IRF2: variants seen among roughly 807,000 people sequenced by gnomAD.
The protein encoded by IRF2 is interferon regulatory factor 2.
IRF2 carries 15 observed loss-of-function variants against 40.6 expected under a neutral mutation model. That is an observed-to-expected ratio of 0.37 (90% CI 0.25 to 0.57). The LOEUF (loss-of-function observed/expected upper bound fraction) is 0.57. Among genes scored for constraint, IRF2 ranks in the 20% least tolerant of loss-of-function variants. The probability of loss-of-function intolerance (pLI) is 0.77; values close to 1 mark genes in which losing one functional copy is unlikely to be tolerated. For synonymous variants in IRF2, 151 were observed against 165.5 expected, an observed-to-expected ratio of 0.91 and a Z score of 0.67; for missense variants, 317 against 455.7, an observed-to-expected ratio of 0.70 and a Z score of 2.77.
At chr4:184,425,890 G>T (rs755611562) in intron 2 of IRF2, among the ~76,000 whole-genome samples, 23 of 152,172 alleles carry the variant, frequency 1.5e-4, no homozygotes, top group Non-Finnish European at 2.8e-4. Context: ...TACACAAACT[G>T]GGTGGCTCAC....
chr4:184,461,840 T>C (rs1457556516), intron 1 of IRF2, among the ~76,000 whole-genome samples: 1 of 152,168 alleles, frequency 6.6e-6, no homozygotes, highest in Non-Finnish European at 1.5e-5. Context: ...ATAGTCAGGA[T>C]GACCACACCC....
At chr4:184,432,799 A>T (rs1417201097) in intron 1 of IRF2, among the ~76,000 whole-genome samples, 1 of 152,240 alleles carries the variant, frequency 6.6e-6, no homozygotes, top group Non-Finnish European at 1.5e-5. Flanking sequence ...TGCTGCAGCT[A>T]ACCATGCCTG....
intron 5 of IRF2, among the ~76,000 whole-genome samples, chr4:184,414,613 G>A (rs569483993): frequency 2.6e-5 from 4 of 152,372 alleles, no homozygotes; most frequent in South Asian, 2.1e-4. Flanking sequence ...CTCACAAAGC[G>A]AAATGTCAGA....
intron 5 of IRF2, among the ~76,000 whole-genome samples, chr4:184,409,355 G>A (rs1736986567): frequency 6.6e-6 from 1 of 152,006 alleles, no homozygotes; most frequent in Admixed American, 6.6e-5. Context: ...CGGAAGGAGG[G>A]GAAATAACCT....
chr4:184,390,622 T>A, intron 8 of IRF2, 81 bp downstream of exon 8: 2 of 1,353,906 alleles, frequency 1.5e-6, no homozygotes, highest in Non-Finnish European at 1.1e-6. Context: ...GAAAGGTGCA[T>A]AACCAGCAGC....
intron 1 of IRF2, among the ~76,000 whole-genome samples, chr4:184,449,475 T>C (rs1336239697): frequency 2.0e-5 from 3 of 152,174 alleles, no homozygotes; most frequent in Non-Finnish European, 4.4e-5. Flanking sequence ...GGGCCCAGAG[T>C]ACGGCAGAGG....
intron 2 of IRF2, among the ~76,000 whole-genome samples, chr4:184,425,618 A>G (rs759844765): frequency 7.9e-5 from 12 of 152,364 alleles, no homozygotes; most frequent in Admixed American, 4.6e-4. Flanking sequence ...GCCCTGTGAG[A>G]TGACACAGAG....
intron 6 of IRF2, among the ~76,000 whole-genome samples, chr4:184,405,001 G>T (rs1736800223): frequency 6.6e-6 from 1 of 152,326 alleles, no homozygotes; most frequent in Admixed American, 6.5e-5. Flanking sequence ...CCAGCACTTT[G>T]GGAGACCGAG....
At chr4:184,402,382 G>A (rs1438209176) in intron 6 of IRF2, among the ~76,000 whole-genome samples, 1 of 152,138 alleles carries the variant, frequency 6.6e-6, no homozygotes. Context: ...TCCCCTGGGT[G>A]CCTCTCACTC....
intron 1 of IRF2, among the ~76,000 whole-genome samples, chr4:184,450,923 C>T (rs1042455208): frequency 2.6e-5 from 4 of 152,192 alleles, no homozygotes; most frequent in Admixed American, 1.3e-4. Flanking sequence ...GCAACTGCTC[C>T]ATTTCACATG....
intron 6 of IRF2, among the ~76,000 whole-genome samples, chr4:184,401,135 A>G (rs557830141): frequency 5.1e-4 from 77 of 152,242 alleles, no homozygotes; most frequent in Non-Finnish European, 8.1e-4. Flanking sequence ...TCGGCAAAGT[A>G]TTCAGGTTAG....
Position 184,450,233 on chromosome 4 carries a change from A to G in IRF2, c.-6-21163T>C, listed in dbSNP as rs530241099. Reference sequence around the variant, plus strand: ...AAAAGCTATGAATAGCTTCATGTCAATTCAGGGCAGACTATCCTGCCAAAT... The same window carrying G: ...AAAAGCTATGAATAGCTTCATGTCAGTTCAGGGCAGACTATCCTGCCAAAT... On this transcript the variant is annotated intron_variant, in intron 1 of 8. Transcript: ENST00000393593. Among the ~76,000 whole-genome samples, 79 of 152,348 alleles carry G rather than the reference A, an allele frequency of 5.2e-4. 1 individual carries two copies. The highest frequency in any genetic ancestry group is 1.7e-3 in the South Asian group (8 of 4,830).
chr4:184,431,966 T>C (rs1440850382), intron 1 of IRF2: 2 of 152,226 alleles, frequency 1.3e-5, no homozygotes, highest in African/African-American at 4.8e-5. Flanking sequence ...GTTCCCGTTC[T>C]TATATTAGTG....
chr4:184,425,288 T>G (rs17686230), intron 2 of IRF2, among the ~76,000 whole-genome samples: 10,244 of 152,262 alleles, frequency 0.067, 754 homozygotes, highest in East Asian at 0.2. Context: ...GTTAAGTATT[T>G]ATATGGACAG....
intron 7 of IRF2, among the ~76,000 whole-genome samples, chr4:184,398,578 C>T (rs1736550932): frequency 6.6e-6 from 1 of 151,774 alleles, no homozygotes; most frequent in Non-Finnish European, 1.5e-5. Context: ...ATCTCTTGAA[C>T]CTGGGAGGCG....
chr4:184,454,670 TC>T (rs1205682675), intron 1 of IRF2, among the ~76,000 whole-genome samples: 6 of 152,196 alleles, frequency 3.9e-5, no homozygotes, highest in African/African-American at 1.4e-4. Flanking sequence ...TGATTTCTTT[TC>T]TTTCCCTCTC....
intron 1 of IRF2, among the ~76,000 whole-genome samples, chr4:184,431,203 C>T (rs1237609222): frequency 6.6e-6 from 1 of 152,210 alleles, no homozygotes; most frequent in African/African-American, 2.4e-5. Flanking sequence ...TTCACAAGAA[C>T]ACGGAATGGC....
intron 1 of IRF2, among the ~76,000 whole-genome samples, chr4:184,456,459 C>T (rs1367522325): frequency 6.6e-6 from 1 of 152,216 alleles, no homozygotes; most frequent in African/African-American, 2.4e-5. Context: ...AGCTGCGCCA[C>T]GGGGAACGTG....
At chr4:184,465,125 C>T (rs1739276477) in intron 1 of IRF2, among the ~76,000 whole-genome samples, 1 of 152,182 alleles carries the variant, frequency 6.6e-6, no homozygotes, top group African/African-American at 2.4e-5. Flanking sequence ...GAAATCATAT[C>T]TCAAGCCCTT....
Sources: gnomAD v4.1 joint callset for allele counts (sites outside exome capture counted in the v4.1 genomes callset) on GRCh38, gnomAD v4.1.1 for gene constraint, MANE v1.5 for transcripts, NCBI Gene and HGNC (gene_info 2026-07-23, HGNC 2026-07-21) for gene names.